The following SLIRP variants were observed in gnomAD, a reference collection of about 807,000 sequenced individuals.
SLIRP encodes SRA stem-loop-interacting RNA-binding protein, mitochondrial.
SLIRP carries 12 observed loss-of-function variants against 13.4 expected under a neutral mutation model. The observed-to-expected ratio is 0.89, with a 90% confidence interval of 0.57 to 1.45. SLIRP has a LOEUF of 1.45. Among genes scored for constraint, SLIRP ranks in the 40% most tolerant of loss-of-function variants. SLIRP has a pLI of 0.00. For missense variants in SLIRP, 154 were observed against 132.2 expected (o/e 1.17, Z -0.81); for synonymous variants, 55 against 47.1 (o/e 1.17, Z -0.69).
chr14:77,708,349 T>C (rs1421302849), intron 1 of SLIRP, 141 bp downstream of exon 1: 3 of 839,118 alleles, frequency 3.6e-6, no homozygotes, highest in Non-Finnish European at 5.6e-6. Flanking sequence ...CAGAAAGAAA[T>C]TTTGTTTGCA....
Position 77,710,862 on chromosome 14 carries a change from A to G in SLIRP, c.122A>G (p.Gln41Arg). Residue 41 changes from glutamine (Q) to arginine (R), a missense_variant, in exon 2 of 4, where the codon CAG (glutamine) becomes CGG (arginine). Coordinates refer to ENST00000557342, the MANE Select transcript of SLIRP (RefSeq NM_031210.6). ...GGTCAGCTGAAAGAACACTTTGCAC[A>G]GTTCGGCCATGTCAGAAGGTGCATT... ...ASSQLKEHFA[Q>R]FGHVRRCILP... 1 of 1,614,200 alleles carries G rather than the reference A, an allele frequency of 6.2e-7. No individual in the cohort carries two copies. Among genetic ancestry groups the G allele is most frequent in the South Asian group, 1.1e-5 (1 of 91,084 alleles).
At chr14:77,716,575 G>C (rs1293590993) in intron 3 of SLIRP, among the ~76,000 whole-genome samples, 1 of 140,802 alleles carries the variant, frequency 7.1e-6, no homozygotes, top group East Asian at 2.3e-4. Flanking sequence ...CCAAGAGACA[G>C]AGGTTGCAGT....
intron 2 of SLIRP, among the ~76,000 whole-genome samples, chr14:77,714,513 C>A (rs2080461923): frequency 6.6e-6 from 1 of 152,218 alleles, no homozygotes; most frequent in Admixed American, 6.5e-5. Context: ...GTTGGCCAGG[C>A]TGGTCCCAAA....
intron 2 of SLIRP, among the ~76,000 whole-genome samples, chr14:77,712,422 C>T (rs1035271023): frequency 1.0e-4 from 15 of 149,514 alleles, no homozygotes; most frequent in Admixed American, 5.4e-4. Context: ...TACAGGCATG[C>T]GCCACCACGA....
At position 77,708,123 on chromosome 14, in the gene SLIRP, A is replaced by G; in HGVS notation, c.12A>G (p.Ser4=). 1 of 1,614,078 alleles carries G rather than the reference A, an allele frequency of 6.2e-7. No homozygotes were observed. Among genetic ancestry groups the G allele is most frequent in the Non-Finnish European group, 8.5e-7 (1 of 1,180,014 alleles). The change falls in exon 1 of 4, where the codon TCA becomes TCG. Residue 4 remains serine (S), a synonymous_variant. Transcript: ENST00000557342. MAA[S]AARGAAALRR... ...GCTTTAGTCTGAAGATGGCGGCCTCAGCAGCGAGAGGTGCTGCGGCGCTGC... is the reference window on the plus strand; with the variant it reads ...GCTTTAGTCTGAAGATGGCGGCCTCGGCAGCGAGAGGTGCTGCGGCGCTGC...
chr14:77,715,355 G>T (rs1395941693), intron 2 of SLIRP, among the ~76,000 whole-genome samples: 3 of 152,156 alleles, frequency 2.0e-5, no homozygotes, highest in Non-Finnish European at 2.9e-5. Flanking sequence ...TCTGTGATCC[G>T]ATTTTTGGCT....
chr14:77,708,231 T>G, intron 1 of SLIRP, 23 bp downstream of exon 1: 1 of 1,611,082 alleles, frequency 6.2e-7, no homozygotes. Flanking sequence ...GATGTGGGAG[T>G]AGTGGAATTT....
chr14:77,711,136 T>C lies in SLIRP; in HGVS notation c.156+240T>C, dbSNP rs563401504. Among the ~76,000 whole-genome samples, 87 of 151,478 alleles carry C rather than the reference T, an allele frequency of 5.7e-4. No homozygotes were observed. The South Asian group carries it at 0.016, about 29-fold the overall frequency. ...GAGGGGATAGATACCCCATGCTCCATGATGTGCTTAATTTACATTGCATGC... is the reference window on the plus strand; with the variant it reads ...GAGGGGATAGATACCCCATGCTCCACGATGTGCTTAATTTACATTGCATGC... On this transcript the variant is annotated intron_variant, in intron 2 of 3. Transcript: ENST00000557342.
intron 3 of SLIRP, chr14:77,716,189 G>A (rs531827486): frequency 3.8e-5 from 7 of 184,806 alleles, no homozygotes; most frequent in African/African-American, 9.5e-5. Flanking sequence ...GGTGGCGGGC[G>A]CCTGTAGTCC....
rs117221257 is a variant in SLIRP at position 77,708,140 on chromosome 14, C to G, written c.29C>G (p.Ala10Gly). The part of the protein sequence containing the change: MAASAARGA[A>G]ALRRSINQPV... ...GCGGCCTCAGCAGCGAGAGGTGCTG[C>G]GGCGCTGCGTAGAAGTATCAATCAG... The change falls in exon 1 of 4, where the codon GCG (alanine) becomes GGG (glycine). Residue 10 changes from alanine to glycine, a missense_variant. Ala to Gly is a moderately conservative substitution (Grantham distance 60). Coordinates refer to ENST00000557342, the MANE Select transcript of SLIRP (RefSeq NM_031210.6). The G allele has an allele frequency of 6.2e-7, 1 of 1,613,834 alleles. No homozygotes were observed. Among genetic ancestry groups the G allele is most frequent in the African/African-American group, 1.3e-5 (1 of 74,904 alleles).
rs1179382320 is a variant in SLIRP, at chr14:77,715,852, G to C, written c.237G>C (p.Gln79His). ...AAGGACTTCGGAATGCACTACAACA[G>C]GAAAATCATATTATAGATGGAGTAA... ...SEEGLRNALQQENHIIDGVKV... is the reference protein window; with the variant it reads ...SEEGLRNALQHENHIIDGVKV... The change falls in exon 3 of 4, where the codon CAG becomes CAC. Residue 79 changes from glutamine (Q) to histidine (H), a missense_variant. Coordinates refer to ENST00000557342, the MANE Select transcript of SLIRP (RefSeq NM_031210.6). 1.9e-6 allele frequency: 3 copies of C among 1,613,738 alleles called. No individual in the cohort carries two copies. Among genetic ancestry groups the C allele is most frequent in the African/African-American group, 2.7e-5 (2 of 74,866 alleles).
Position 77,708,208 on chromosome 14 carries a change from A to G in SLIRP, c.97A>G (p.Ser33Gly). 6.2e-7 allele frequency: 1 copy of G among 1,614,098 alleles called. No homozygotes were observed. Among genetic ancestry groups the G allele is most frequent in the East Asian group, 2.2e-5 (1 of 44,884 alleles). ...VRRIPWTAAS[S>G]QLKEHFAQFG... ...AAGAATTCCTTGGACTGCGGCGTCG[A>G]GTGAGTGATGGAGATGTGGGAGTAG... The change falls in exon 1 of 4, where the codon AGT becomes GGT. Residue 33 changes from serine (S) to glycine (G), a missense_variant and splice_region_variant. Ser to Gly is a moderately conservative substitution (Grantham distance 56, BLOSUM62 0). Transcript: ENST00000557342.
intron 1 of SLIRP, among the ~76,000 whole-genome samples, chr14:77,710,345 AC>A (rs1330090419): frequency 6.6e-6 from 1 of 152,206 alleles, no homozygotes; most frequent in Non-Finnish European, 1.5e-5. Flanking sequence ...AACCCGCAGG[AC>A]AGATAAAGAT....
intron 2 of SLIRP, among the ~76,000 whole-genome samples, chr14:77,712,354 A>G (rs893726622): frequency 1.4e-5 from 2 of 147,982 alleles, no homozygotes; most frequent in African/African-American, 5.0e-5. Context: ...GCTTACTGCA[A>G]CCTCTGCCTC....
rs571233213 is a variant in SLIRP, at chr14:77,712,471, G to A, written c.156+1575G>A. Among the ~76,000 whole-genome samples, 121 of 115,754 alleles carry A rather than the reference G, an allele frequency of 1.0e-3. 1 individual carries two copies. The South Asian group carries it at 0.025, about 24-fold the overall frequency. The allele number at this position is 115,754 out of a possible 152,430, so 75.9% of individuals were successfully genotyped here. A position where few individuals can be genotyped will look rare whatever the true frequency, so the allele number is the denominator to read the frequency against. ...TTTTTTTTTTTTTTTTTGAGACGGAGTCTCACTCTGTGGCCTAGGCTGGAG... is the reference window on the plus strand; with the variant it reads ...TTTTTTTTTTTTTTTTTGAGACGGAATCTCACTCTGTGGCCTAGGCTGGAG... On this transcript the variant is annotated intron_variant, in intron 2 of 3. Transcript: ENST00000557342.
rs931570935 is a variant in SLIRP at position 77,708,161 on chromosome 14, A to G, written c.50A>G (p.Asn17Ser). 15 of 1,614,092 alleles carry G rather than the reference A, an allele frequency of 9.3e-6. No homozygotes were observed. The highest frequency in any genetic ancestry group is 5.3e-5 in the African/African-American group (4 of 74,936). The change falls in exon 1 of 4, where the codon AAT becomes AGT. Residue 17 changes from asparagine (N) to serine (S), a missense_variant. Physicochemically the swap from Asn to Ser is conservative, Grantham distance 46 (BLOSUM62 1). Transcript: ENST00000557342. ...GCTGCGGCGCTGCGTAGAAGTATCA[A>G]TCAGCCGGTTGCTTTTGTGAGAAGA... is the stretch of plus-strand genomic sequence containing the variant. ...RGAAALRRSI[N>S]QPVAFVRRIP...
At chr14:77,714,441 C>A (rs887534582) in intron 2 of SLIRP, among the ~76,000 whole-genome samples, 13 of 152,304 alleles carry the variant, frequency 8.5e-5, no homozygotes, top group African/African-American at 3.1e-4. Flanking sequence ...GCTGGGACTA[C>A]AGGCATGGGC....
At chr14:77,712,153 T>A (rs938376556) in intron 2 of SLIRP, 3 of 152,164 alleles carry the variant, frequency 2.0e-5, no homozygotes, top group African/African-American at 7.2e-5. Context: ...CTGGGTCCTC[T>A]CCTTAGGATC....
chr14:77,709,490 C>G (rs1408862575), intron 1 of SLIRP, among the ~76,000 whole-genome samples: 1 of 152,158 alleles, frequency 6.6e-6, no homozygotes, highest in African/African-American at 2.4e-5. Context: ...TAGCATCTTG[C>G]GGATGCAAGT....
Sources: allele counts gnomAD v4.1 joint callset (sites outside exome capture counted in the v4.1 genomes callset), GRCh38; gene constraint gnomAD v4.1.1; transcripts MANE v1.5; gene names NCBI Gene and HGNC (gene_info 2026-07-23, HGNC 2026-07-21).